Variants in HS6ST1 observed in about 807,000 individuals in gnomAD.
The protein encoded by HS6ST1 is heparan-sulfate 6-O-sulfotransferase 1.
HS6ST1 carries 3 observed loss-of-function variants against 25.2 expected under a neutral mutation model. The observed-to-expected ratio is 0.12, with a 90% confidence interval of 0.05 to 0.31. The LOEUF (loss-of-function observed/expected upper bound fraction) is 0.31, where lower values mean the gene tolerates loss of function less well. Among genes scored for constraint, HS6ST1 ranks in the 10% least tolerant of loss-of-function variants. The pLI is 1.00. For synonymous variants in HS6ST1, 204 were observed against 275.1 expected, an observed-to-expected ratio of 0.74 and a Z score of 2.56; for missense variants, 310 against 609.6, an observed-to-expected ratio of 0.51 and a Z score of 5.18.
In HS6ST1 at chr2:128,268,258, C is replaced by T; in HGVS notation, c.1140G>A (p.Leu380=). The T allele has an allele frequency of 6.2e-7, 1 of 1,611,724 alleles. No individual in the cohort carries two copies. The highest frequency in any genetic ancestry group is 8.5e-7 in the Non-Finnish European group (1 of 1,179,556). Residue 380 remains leucine (L), a synonymous_variant, in exon 2 of 2, where the codon CTG becomes CTA. Transcript: ENST00000259241. ...QRLRSREERL[L]HRAKEALPRE... ...GCGGCAGTGCCTCCTTGGCCCGGTG[C>T]AGCAGACGCTCCTCGCGGCTCCTCA...
chr2:128,312,552 G>A (rs572328646), intron 1 of HS6ST1, among the ~76,000 whole-genome samples: 15 of 152,274 alleles, frequency 9.9e-5, no homozygotes, highest in African/African-American at 3.6e-4. Flanking sequence ...CAGAGAGGGT[G>A]CACCCCAGGC....
chr2:128,276,356 G>A (rs901303104), intron 1 of HS6ST1, among the ~76,000 whole-genome samples: 2 of 152,148 alleles, frequency 1.3e-5, no homozygotes, highest in African/African-American at 4.8e-5. Flanking sequence ...GGCTGGTCTC[G>A]AACTCCTGAC....
Position 128,266,766 on chromosome 2 carries a change from G to T in HS6ST1, c.*1396C>A, listed in dbSNP as rs1334352934. On this transcript the variant is annotated 3_prime_UTR_variant, in exon 2 of 2. Coordinates refer to ENST00000259241, the MANE Select transcript of HS6ST1 (RefSeq NM_004807.3). ...TCTCTGGGGGATCCAGGGTGCCTGT[G>T]TGGGCCCTCCTAGAGACACCAGCTT... 2 of 152,502 alleles carry T rather than the reference G, an allele frequency of 1.3e-5. No homozygotes were observed. Among genetic ancestry groups the T allele is most frequent in the African/African-American group, 4.8e-5 (2 of 41,564 alleles). The allele number at this position is 152,502 out of a possible 1,614,324, so 9.4% of individuals were successfully genotyped here.
At chr2:128,283,248 C>T (rs1453435799) in intron 1 of HS6ST1, among the ~76,000 whole-genome samples, 6 of 152,216 alleles carry the variant, frequency 3.9e-5, no homozygotes, top group Admixed American at 6.5e-5. Flanking sequence ...CACAGAAATC[C>T]GCTCACAGCA....
intron 1 of HS6ST1, among the ~76,000 whole-genome samples, chr2:128,292,035 C>G (rs945079175): frequency 1.3e-5 from 2 of 152,226 alleles, no homozygotes; most frequent in Admixed American, 6.5e-5. Flanking sequence ...CAGGAGAAGG[C>G]CCCTGGATGC....
At chr2:128,281,774 C>A (rs568556565) in intron 1 of HS6ST1, among the ~76,000 whole-genome samples, 5 of 152,224 alleles carry the variant, frequency 3.3e-5, no homozygotes, top group African/African-American at 4.8e-5. Context: ...GGCTCCCGGG[C>A]GGGGCCAGGA....
chr2:128,282,437 C>A lies in HS6ST1; in HGVS notation c.528-13567G>T, dbSNP rs150677335. Among the ~76,000 whole-genome samples, 485 of 152,320 alleles carry A rather than the reference C, an allele frequency of 3.2e-3. 1 individual carries two copies. The highest frequency in any genetic ancestry group is 0.011 in the African/African-American group (454 of 41,568). ...ACAGGGTCTGTCTGGTCCCTCACAG[C>A]CCTACCCAGCCCCCACCGGCCCGCG... On this transcript the variant is annotated intron_variant, in intron 1 of 1. Transcript: ENST00000259241.
intron 1 of HS6ST1, among the ~76,000 whole-genome samples, chr2:128,274,481 G>A (rs1224479038): frequency 6.6e-6 from 1 of 152,170 alleles, no homozygotes; most frequent in Non-Finnish European, 1.5e-5. Context: ...AAAGACTTAG[G>A]AAATTTACCT....
chr2:128,293,876 T>C (rs1192873922), intron 1 of HS6ST1, among the ~76,000 whole-genome samples: 1 of 152,164 alleles, frequency 6.6e-6, no homozygotes, highest in Non-Finnish European at 1.5e-5. Context: ...GGTCAGCCTC[T>C]AAGTGTGGAA....
chr2:128,276,271 G>A (rs980394733), intron 1 of HS6ST1, among the ~76,000 whole-genome samples: 2 of 152,048 alleles, frequency 1.3e-5, no homozygotes, highest in Non-Finnish European at 2.9e-5. Flanking sequence ...GGGATTACTC[G>A]TGGTGGCATG....
At chr2:128,316,404 C>T (rs934321181) in intron 1 of HS6ST1, among the ~76,000 whole-genome samples, 3 of 152,226 alleles carry the variant, frequency 2.0e-5, no homozygotes, top group Non-Finnish European at 2.9e-5. Context: ...GGTAGGGAGG[C>T]GTCTGTTGGT....
chr2:128,291,444 T>C (rs1211622927), intron 1 of HS6ST1, among the ~76,000 whole-genome samples: 1 of 152,204 alleles, frequency 6.6e-6, no homozygotes, highest in East Asian at 1.9e-4. Flanking sequence ...GCCTCCTCAG[T>C]CTGGATCCTC....
At chr2:128,302,317 C>T (rs1694144390) in intron 1 of HS6ST1, among the ~76,000 whole-genome samples, 1 of 152,192 alleles carries the variant, frequency 6.6e-6, no homozygotes, top group Non-Finnish European at 1.5e-5. Flanking sequence ...TGGAGCTGTG[C>T]AGCCAAGGCT....
intron 1 of HS6ST1, among the ~76,000 whole-genome samples, chr2:128,285,134 C>G (rs1693841257): frequency 6.6e-6 from 1 of 152,226 alleles, no homozygotes; most frequent in Non-Finnish European, 1.5e-5. Flanking sequence ...ACCAGCCAAG[C>G]CCTGGGGCAG....
At chr2:128,303,212 C>T (rs945512274) in intron 1 of HS6ST1, among the ~76,000 whole-genome samples, 1 of 152,244 alleles carries the variant, frequency 6.6e-6, no homozygotes, top group Non-Finnish European at 1.5e-5. Context: ...AGATGCAGAC[C>T]AAACATGCAG....
At chr2:128,280,890 G>C (rs1693775946) in intron 1 of HS6ST1, among the ~76,000 whole-genome samples, 1 of 148,118 alleles carries the variant, frequency 6.8e-6, no homozygotes, top group African/African-American at 2.7e-5. Flanking sequence ...GGCAGGCAGA[G>C]CCTGCAGCTG....
chr2:128,301,145 G>GC (rs1558878196), intron 1 of HS6ST1, among the ~76,000 whole-genome samples: 1 of 151,516 alleles, frequency 6.6e-6, no homozygotes, highest in Admixed American at 6.6e-5. Flanking sequence ...AGCTCTAGCC[G>GC]CCCCTCTGTG....
chr2:128,308,776 C>T (rs1306007708), intron 1 of HS6ST1, among the ~76,000 whole-genome samples: 1 of 152,208 alleles, frequency 6.6e-6, no homozygotes, highest in Non-Finnish European at 1.5e-5. Flanking sequence ...TGGTGATGTC[C>T]CAGATAACAG....
chr2:128,277,040 G>A (rs570968991), intron 1 of HS6ST1, among the ~76,000 whole-genome samples: 4 of 152,218 alleles, frequency 2.6e-5, no homozygotes, highest in Non-Finnish European at 2.9e-5. Flanking sequence ...TGAATGCTCC[G>A]TGGCCACACT....
Sources: allele counts gnomAD v4.1 joint callset (sites outside exome capture counted in the v4.1 genomes callset), GRCh38; gene constraint gnomAD v4.1.1; transcripts MANE v1.5; gene names NCBI Gene and HGNC (gene_info 2026-07-23, HGNC 2026-07-21).